The following GPATCH2L variants were observed in gnomAD, a reference collection of about 807,000 sequenced individuals.
GPATCH2L encodes G patch domain-containing protein 2-like.
GPATCH2L carries 31 observed loss-of-function variants against 57.4 expected under a neutral mutation model. The observed-to-expected ratio is 0.54, with a 90% CI of 0.41 to 0.73. GPATCH2L has a LOEUF of 0.73. Among genes scored for constraint, GPATCH2L ranks in the 30% least tolerant of loss-of-function variants. The probability of loss-of-function intolerance (pLI) is 0.00; values close to 1 mark genes in which losing one functional copy is unlikely to be tolerated. For missense variants in GPATCH2L, 481 were observed against 599.9 expected, an observed-to-expected ratio of 0.80 and a Z score of 2.07; for synonymous variants, 199 against 210.7, an observed-to-expected ratio of 0.94 and a Z score of 0.48.
intron 1 of GPATCH2L, among the ~76,000 whole-genome samples, chr14:76,219,633 T>C (rs577110689): frequency 6.6e-6 from 1 of 152,288 alleles, no homozygotes; most frequent in Admixed American, 6.5e-5. Context: ...AAAAAGGTTT[T>C]ATTGGGGAGT....
chr14:76,172,953 A>G (rs982358947), intron 4 of GPATCH2L, among the ~76,000 whole-genome samples: 3 of 152,220 alleles, frequency 2.0e-5, no homozygotes, highest in African/African-American at 7.2e-5. Flanking sequence ...AAAGTTTCTA[A>G]TGGACCACTT....
chr14:76,201,914 G>T lies in GPATCH2L; in HGVS notation c.*63G>T. On this transcript the variant is annotated 3_prime_UTR_variant, in exon 10 of 10. Transcript: ENST00000261530. ...TGCTGAAGCAAATGTTGGACTTTGT[G>T]TTAGATAGTCTTGCATATCTTAATC... is the stretch of plus-strand genomic sequence containing the variant. 1.4e-6 allele frequency: 2 copies of T among 1,431,930 alleles called. No homozygotes were observed. Among genetic ancestry groups the T allele is most frequent in the Non-Finnish European group, 1.9e-6 (2 of 1,034,464 alleles). The allele number at this position is 1,431,930 out of a possible 1,614,324, so 88.7% of individuals were successfully genotyped here. A position where few individuals can be genotyped will look rare whatever the true frequency, so the allele number is the denominator to read the frequency against.
At chr14:76,189,387 A>G (rs1440188351) in intron 8 of GPATCH2L, among the ~76,000 whole-genome samples, 3 of 151,428 alleles carry the variant, frequency 2.0e-5, no homozygotes, top group South Asian at 4.2e-4. Flanking sequence ...TCTTTCATCC[A>G]TGTTTTATAT....
chr14:76,210,658 C>G lies in GPATCH2L; in HGVS notation c.*8807C>G, dbSNP rs1473282354. 6.6e-6 allele frequency: 1 copy of G among 152,184 alleles called. No homozygotes were observed. The highest frequency in any genetic ancestry group is 2.4e-5 in the African/African-American group (1 of 41,442). 9.4% of individuals were successfully genotyped at this position (152,184 alleles called of 1,614,324 possible). A position where few individuals can be genotyped will look rare whatever the true frequency, so the allele number is the denominator to read the frequency against. ...ATGAAATTTTGCAGATCTTGCAAAC[C>G]TGTGGCAATAAGAAGGTATTATCCT... On this transcript the variant is annotated 3_prime_UTR_variant, in exon 10 of 10. Coordinates refer to ENST00000261530, the MANE Select transcript of GPATCH2L (RefSeq NM_017926.4).
chr14:76,210,390 T>G lies in GPATCH2L; in HGVS notation c.*8539T>G, dbSNP rs2040427666. The G allele has an allele frequency of 6.6e-6, 1 of 152,142 alleles. No individual in the cohort carries two copies. Among genetic ancestry groups the G allele is most frequent in the South Asian group, 2.1e-4 (1 of 4,830 alleles). The allele number at this position is 152,142 out of a possible 1,614,324, so 9.4% of individuals were successfully genotyped here. A position where few individuals can be genotyped will look rare whatever the true frequency, so the allele number is the denominator to read the frequency against. ...ACCTCTGCTGCCTCTTTTTACAAACTGAACTGTTGGAGGGCATGTACATAT... is the reference window on the plus strand; with the variant it reads ...ACCTCTGCTGCCTCTTTTTACAAACGGAACTGTTGGAGGGCATGTACATAT... On this transcript the variant is annotated 3_prime_UTR_variant, in exon 10 of 10. Transcript: ENST00000261530.
Position 76,210,266 on chromosome 14 carries a change from T to TA in GPATCH2L, c.*8416dup, listed in dbSNP as rs1207463413. On this transcript the variant is annotated 3_prime_UTR_variant, in exon 10 of 10. Transcript: ENST00000261530. ...CCATTTTAAAACAATGAAATACACT[T>TA]ACAGTTACAGACAAACTTGCTCGAG... 1 of 152,176 alleles carries TA rather than the reference T, an allele frequency of 6.6e-6. No individual in the cohort carries two copies. Among genetic ancestry groups the TA allele is most frequent in the Non-Finnish European group, 1.5e-5 (1 of 68,028 alleles). The allele number at this position is 152,176 out of a possible 1,614,324, so 9.4% of individuals were successfully genotyped here.
chr14:76,197,844 T>C (rs971492688), intron 9 of GPATCH2L, among the ~76,000 whole-genome samples: 2 of 152,192 alleles, frequency 1.3e-5, no homozygotes, highest in African/African-American at 4.8e-5. Flanking sequence ...AGGATTTTCC[T>C]AAAAGAATAA....
chr14:76,158,143 A>G (rs2038398153), intron 2 of GPATCH2L, among the ~76,000 whole-genome samples: 1 of 151,102 alleles, frequency 6.6e-6, no homozygotes, highest in African/African-American at 2.4e-5. Context: ...TTTTTTTCAT[A>G]AGTGAATTGG....
chr14:76,222,511 G>GCT (rs1342052385), intron 1 of GPATCH2L, among the ~76,000 whole-genome samples: 1 of 152,136 alleles, frequency 6.6e-6, no homozygotes, highest in Non-Finnish European at 1.5e-5. Context: ...GGAGGCTGAG[G>GCT]TGGGGGAATC....
At position 76,205,038 on chromosome 14, in the gene GPATCH2L, T is replaced by C. The variant is rs1377848340; in HGVS notation, c.*3187T>C. Reference sequence around the variant, plus strand: ...AGGTTAGAGTGCAGTGATGTGTTCATAGCTCACTGTAACCTTGAACTCATA... The same window carrying C: ...AGGTTAGAGTGCAGTGATGTGTTCACAGCTCACTGTAACCTTGAACTCATA... On this transcript the variant is annotated 3_prime_UTR_variant, in exon 10 of 10. Transcript: ENST00000261530. The C allele has an allele frequency of 1.3e-5, 2 of 152,240 alleles. No individual in the cohort carries two copies. The highest frequency in any genetic ancestry group is 4.8e-5 in the African/African-American group (2 of 41,448). 9.4% of individuals were successfully genotyped at this position (152,240 alleles called of 1,614,324 possible). A position where few individuals can be genotyped will look rare whatever the true frequency, so the allele number is the denominator to read the frequency against.
intron 7 of GPATCH2L, chr14:76,180,011 C>G (rs1443023387): frequency 1.5e-5 from 2 of 135,446 alleles, no homozygotes; most frequent in African/African-American, 5.4e-5. Flanking sequence ...ATGGCGAAAC[C>G]CTGTCTCTAC....
At chr14:76,218,629 C>A (rs1322993527), downstream of GPATCH2L, among the ~76,000 whole-genome samples, 5 of 151,114 alleles carry the variant, frequency 3.3e-5, no homozygotes, top group Non-Finnish European at 7.4e-5. Flanking sequence ...AATAAAAATA[C>A]CAATAGAATT....
chr14:76,163,223 C>A (rs1215738722), intron 2 of GPATCH2L, among the ~76,000 whole-genome samples: 1 of 152,136 alleles, frequency 6.6e-6, no homozygotes, highest in African/African-American at 2.4e-5. Flanking sequence ...CCATTTGTAA[C>A]ATGAGGTTGA....
intron 1 of GPATCH2L, among the ~76,000 whole-genome samples, chr14:76,219,676 A>G (rs934968805): frequency 3.3e-5 from 5 of 152,206 alleles, no homozygotes; most frequent in African/African-American, 1.2e-4. Context: ...AATCCAGGTC[A>G]TACATACAGA....
Position 76,151,954 on chromosome 14 carries a change from CA to C in GPATCH2L, c.-43del. The C allele has an allele frequency of 1.3e-5, 2 of 154,750 alleles. No individual in the cohort carries two copies. Among genetic ancestry groups the C allele is most frequent in the Non-Finnish European group, 2.9e-5 (2 of 70,028 alleles). 9.6% of individuals were successfully genotyped at this position (154,750 alleles called of 1,614,324 possible). ...GAAGCCCCGGCGGTGAGAGTCGGCC[CA>C]AAAAGCGGCGGCCGTTGGAGGTGGC... On this transcript the variant is annotated 5_prime_UTR_variant, in exon 1 of 10. Coordinates refer to ENST00000261530, the MANE Select transcript of GPATCH2L (RefSeq NM_017926.4).
chr14:76,224,676 A>C (rs890931410), intron 1 of GPATCH2L, among the ~76,000 whole-genome samples: 2 of 152,180 alleles, frequency 1.3e-5, no homozygotes, highest in African/African-American at 4.8e-5. Flanking sequence ...TAGAGATCTT[A>C]ACCATTGCAA....
chr14:76,157,666 TG>T (rs2038370801), intron 2 of GPATCH2L, among the ~76,000 whole-genome samples: 1 of 105,540 alleles, frequency 9.5e-6, no homozygotes, highest in Non-Finnish European at 2.2e-5. Flanking sequence ...GCCTAGTCAA[TG>T]GTAGCGTTTT....
chr14:76,158,752 T>C (rs1274451134), intron 2 of GPATCH2L, among the ~76,000 whole-genome samples: 1 of 152,228 alleles, frequency 6.6e-6, no homozygotes, highest in Non-Finnish European at 1.5e-5. Context: ...GTTGGTAGTA[T>C]TGCATGTGAG....
At chr14:76,194,918 A>C (rs112173847) in intron 8 of GPATCH2L, among the ~76,000 whole-genome samples, 1 of 152,138 alleles carries the variant, frequency 6.6e-6, no homozygotes, top group Non-Finnish European at 1.5e-5. Context: ...ATCATTGGAA[A>C]ATTATCAAAG....
Sources: allele counts gnomAD v4.1 joint callset (sites outside exome capture counted in the v4.1 genomes callset), GRCh38; gene constraint gnomAD v4.1.1; transcripts MANE v1.5; gene names NCBI Gene and HGNC (gene_info 2026-07-23, HGNC 2026-07-21).